The following NDST1 variants were observed in gnomAD, a reference collection of about 807,000 sequenced individuals.
NDST1 encodes the protein bifunctional heparan sulfate N-deacetylase/N-sulfotransferase 1.
NDST1 carries 35 observed loss-of-function variants against 92.8 expected under a neutral mutation model. That is an observed-to-expected ratio of 0.38 (90% CI 0.29 to 0.50). The LOEUF (loss-of-function observed/expected upper bound fraction) is 0.50. Ranked by LOEUF, NDST1 falls within the 20% of genes least tolerant of loss-of-function variation. NDST1 has a pLI of 0.94. For missense variants in NDST1, 822 were observed against 1,182.7 expected (o/e 0.69, Z 4.47); for synonymous variants, 493 against 500.3 (o/e 0.99, Z 0.19).
rs923743580 is a variant in NDST1, at chr5:150,530,070, G to T, written c.1008+1772G>T. On this transcript the variant is annotated intron_variant, in intron 3 of 14. Transcript: ENST00000261797. ...GCCTGAGCCTCAGCTATAAAATGATGAAATGGGGTGAATGGGAAGTTTTCA... is the reference window on the plus strand; with the variant it reads ...GCCTGAGCCTCAGCTATAAAATGATTAAATGGGGTGAATGGGAAGTTTTCA... 3.9e-5 allele frequency among the ~76,000 whole-genome samples: 6 copies of T among 152,190 alleles called. No individual in the cohort carries two copies. In the East Asian group the frequency reaches 1.2e-3, roughly 29 times the overall value.
chr5:150,533,453 A>G (rs1201384400), intron 4 of NDST1, among the ~76,000 whole-genome samples: 1 of 152,254 alleles, frequency 6.6e-6, no homozygotes, highest in Non-Finnish European at 1.5e-5. Flanking sequence ...GACCAGTGTC[A>G]TGGGTTTATT....
At chr5:150,551,882 C>T (rs1484938309) in intron 14 of NDST1, 27 bp downstream of exon 14, 1 of 1,610,670 alleles carries the variant, frequency 6.2e-7, no homozygotes, top group Non-Finnish European at 8.5e-7. Flanking sequence ...CTACCTGTAG[C>T]ACCTGCATAA....
intron 4 of NDST1, among the ~76,000 whole-genome samples, chr5:150,534,061 T>C (rs1182429685): frequency 6.8e-6 from 1 of 146,254 alleles, no homozygotes; most frequent in Non-Finnish European, 1.5e-5. Context: ...CCTGCCTGGG[T>C]GACAGAGTAA....
chr5:150,525,952 T>G (rs1404338966), intron 2 of NDST1, among the ~76,000 whole-genome samples: 1 of 152,184 alleles, frequency 6.6e-6, no homozygotes, highest in African/African-American at 2.4e-5. Context: ...TTTGAGGGCT[T>G]CCTGCTGCTG....
In NDST1 at chr5:150,542,982, C is replaced by G. The variant is rs949083608; in HGVS notation, c.1970+11C>G. ...CAAAGGCATCGACTGGTGAGTTGGCCTTTCTGTCCACAGCGGGACGGGAAG... is the reference window on the plus strand; with the variant it reads ...CAAAGGCATCGACTGGTGAGTTGGCGTTTCTGTCCACAGCGGGACGGGAAG... On this transcript the variant is annotated intron_variant, in intron 10 of 14. Transcript: ENST00000261797. The G allele has an allele frequency of 6.2e-7, 1 of 1,613,852 alleles. No homozygotes were observed. The highest frequency in any genetic ancestry group is 8.5e-7 in the Non-Finnish European group (1 of 1,179,766).
At chr5:150,525,997 A>G (rs1754459445) in intron 2 of NDST1, among the ~76,000 whole-genome samples, 1 of 152,218 alleles carries the variant, frequency 6.6e-6, no homozygotes, top group African/African-American at 2.4e-5. Flanking sequence ...GCCTGGCTCC[A>G]GCTGACCTAT....
chr5:150,549,178 A>G (rs934541433), intron 12 of NDST1, among the ~76,000 whole-genome samples: 3 of 151,698 alleles, frequency 2.0e-5, no homozygotes, highest in African/African-American at 4.8e-5. Context: ...CGCCCAGATA[A>G]TTTTTGTATT....
At chr5:150,545,991 C>CTTTT (rs34937690) in intron 11 of NDST1, among the ~76,000 whole-genome samples, 40 of 83,676 alleles carry the variant, frequency 4.8e-4, no homozygotes, top group Admixed American at 1.2e-3. Context: ...CCAGAGCTGT[C>CTTTT]TTTTTTTTTT....
chr5:150,550,537 G>T (rs1755676938), intron 13 of NDST1: 1 of 152,430 alleles, frequency 6.6e-6, no homozygotes, highest in South Asian at 2.1e-4. Flanking sequence ...TGGGCTCAGG[G>T]CTAGGAAAGG....
At chr5:150,552,209 A>C (rs1254203013) in intron 14 of NDST1, among the ~76,000 whole-genome samples, 1 of 152,160 alleles carries the variant, frequency 6.6e-6, no homozygotes, top group Admixed American at 6.5e-5. Context: ...GAGAGGGCAC[A>C]CAAGTGCTAT....
chr5:150,508,609 A>T (rs1753575022), intron 1 of NDST1, among the ~76,000 whole-genome samples: 1 of 152,086 alleles, frequency 6.6e-6, no homozygotes, highest in African/African-American at 2.4e-5. Context: ...TTAAAGATTT[A>T]TTTCAGGGCC....
At chr5:150,550,112 T>C (rs1037641496) in intron 13 of NDST1, among the ~76,000 whole-genome samples, 1 of 151,896 alleles carries the variant, frequency 6.6e-6, no homozygotes, top group Non-Finnish European at 1.5e-5. Context: ...TAGCTTTTTT[T>C]TTTTTTTTTA....
intron 14 of NDST1, among the ~76,000 whole-genome samples, chr5:150,552,283 G>T (rs959685094): frequency 1.3e-5 from 2 of 152,182 alleles, no homozygotes; most frequent in African/African-American, 4.8e-5. Flanking sequence ...CCTTAAAGGA[G>T]GGATGGGGGT....
At chr5:150,509,853 G>A (rs1753640112) in intron 1 of NDST1, among the ~76,000 whole-genome samples, 1 of 152,178 alleles carries the variant, frequency 6.6e-6, no homozygotes, top group Admixed American at 6.5e-5. Context: ...GGGGCGTGAG[G>A]ACCCTCTGGC....
intron 1 of NDST1, among the ~76,000 whole-genome samples, chr5:150,499,508 T>C (rs886326574): frequency 6.6e-6 from 1 of 152,198 alleles, no homozygotes; most frequent in African/African-American, 2.4e-5. Flanking sequence ...TGAATCACCT[T>C]TGTGTCCCTC....
At chr5:150,514,308 G>A (rs922782971) in intron 1 of NDST1, among the ~76,000 whole-genome samples, 6 of 152,206 alleles carry the variant, frequency 3.9e-5, no homozygotes, top group African/African-American at 1.2e-4. Context: ...GGTGGCTCAC[G>A]CCTGTAATCC....
chr5:150,553,408 G>A lies in NDST1; in HGVS notation c.*76G>A, dbSNP rs971258670. ...CCACACGCTGAGCCAGACCTGCAGA[G>A]TGGGAAGCTGGACCAGGGCAGCTGC... On this transcript the variant is annotated 3_prime_UTR_variant, in exon 15 of 15. Transcript: ENST00000261797. The surrounding 1 kb of genome is among the most constrained non-coding windows in gnomAD (Gnocchi z 4.2). The A allele has an allele frequency of 1.3e-6, 2 of 1,577,406 alleles. No homozygotes were observed. Among genetic ancestry groups the A allele is most frequent in the Non-Finnish European group, 1.7e-6 (2 of 1,153,208 alleles).
intron 3 of NDST1, among the ~76,000 whole-genome samples, chr5:150,529,752 G>T (rs1438804538): frequency 6.6e-6 from 1 of 152,204 alleles, no homozygotes; most frequent in African/African-American, 2.4e-5. Flanking sequence ...AAACATATTA[G>T]CACCAAACCC....
rs377299451 is a variant in NDST1, at chr5:150,553,353, C to A, written c.*21C>A. 2 of 1,610,982 alleles carry A rather than the reference C, an allele frequency of 1.2e-6. No individual in the cohort carries two copies. The highest frequency in any genetic ancestry group is 2.7e-5 in the African/African-American group (2 of 74,832). ...GGTAGCCGTGGCCACCACAGCCAGACTGAACGTTTGTGAAAGCTGGGACAT... is the reference window on the plus strand; with the variant it reads ...GGTAGCCGTGGCCACCACAGCCAGAATGAACGTTTGTGAAAGCTGGGACAT... On this transcript the variant is annotated 3_prime_UTR_variant, in exon 15 of 15. Transcript: ENST00000261797. This position sits in a 1 kb window ranked among gnomAD's most constrained non-coding sequence, Gnocchi z 4.2.
Sources: gnomAD v4.1 joint callset for allele counts (sites outside exome capture counted in the v4.1 genomes callset) on GRCh38, gnomAD v4.1.1 for gene constraint, Gnocchi (gnomAD v3.1) non-coding constraint, MANE v1.5 for transcripts, NCBI Gene and HGNC (gene_info 2026-07-23, HGNC 2026-07-21) for gene names.